CCSER2: variants seen among roughly 807,000 people sequenced by gnomAD.
CCSER2 encodes serine-rich coiled-coil domain-containing protein 2.
CCSER2 carries 46 observed loss-of-function variants against 92.3 expected under a neutral mutation model. That is an observed-to-expected ratio of 0.50 (90% CI 0.39 to 0.64). The LOEUF (loss-of-function observed/expected upper bound fraction) is 0.64. Ranked by LOEUF, CCSER2 falls within the 30% of genes least tolerant of loss-of-function variation. The pLI is 0.00. For missense variants in CCSER2, 1,244 were observed against 1,238.9 expected (o/e 1.00, Z -0.06); for synonymous variants, 433 against 431.4 (o/e 1.00, Z -0.04).
chr10:84,504,007 A>C (rs1468273569), intron 9 of CCSER2, among the ~76,000 whole-genome samples: 1 of 152,230 alleles, frequency 6.6e-6, no homozygotes, highest in African/African-American at 2.4e-5. Flanking sequence ...ACATTTACTG[A>C]GAGAAAGTAT....
At chr10:84,496,746 T>A (rs993805013) in intron 9 of CCSER2, among the ~76,000 whole-genome samples, 5 of 152,186 alleles carry the variant, frequency 3.3e-5, no homozygotes, top group African/African-American at 1.2e-4. Flanking sequence ...TTTTTGTGTG[T>A]GTTCCTTGTC....
chr10:84,410,720 G>T (rs1475172018), intron 3 of CCSER2, among the ~76,000 whole-genome samples: 1 of 152,156 alleles, frequency 6.6e-6, no homozygotes, highest in East Asian at 1.9e-4. Flanking sequence ...TAGGTTGTCT[G>T]TTCACCCTTA....
Position 84,420,482 on chromosome 10 carries a change from C to T in CCSER2, c.1705+2621C>T, listed in dbSNP as rs186835635. On this transcript the variant is annotated intron_variant, in intron 4 of 9. Transcript: ENST00000372088. The stretch of plus-strand genomic sequence containing the variant: ...TTTTCTTTTTATGGCTCTTAAGTCC[C>T]GAACAATTATACACACCCATTACAG... Among the ~76,000 whole-genome samples the T allele has an allele frequency of 6.2e-4, 95 of 152,146 alleles. 1 individual carries two copies. Among genetic ancestry groups the T allele is most frequent in the Admixed American group, 2.2e-3 (34 of 15,284 alleles).
chr10:84,413,212 G>C (rs985064246), intron 3 of CCSER2, among the ~76,000 whole-genome samples: 8 of 150,080 alleles, frequency 5.3e-5, no homozygotes, highest in African/African-American at 1.5e-4. Context: ...GTTTGCTCTT[G>C]GTTCTCTAGT....
At position 84,342,418 on chromosome 10, in the gene CCSER2, G is replaced by A. The variant is rs138414988; in HGVS notation, c.-40+13610G>A. Among the ~76,000 whole-genome samples, 579 of 152,242 alleles carry A rather than the reference G, an allele frequency of 3.8e-3. 2 individuals carry two copies. Among genetic ancestry groups the A allele is most frequent in the African/African-American group, 0.014 (570 of 41,534 alleles). On this transcript the variant is annotated intron_variant, in intron 1 of 9. Coordinates refer to ENST00000372088, the MANE Select transcript of CCSER2 (RefSeq NM_001284240.2). Reference sequence around the variant, plus strand: ...TAGATAATTGTAAGACCTTTTAGTAGCTACTCCTGCCTTAACTCTTGTCAT... The same window carrying A: ...TAGATAATTGTAAGACCTTTTAGTAACTACTCCTGCCTTAACTCTTGTCAT...
At chr10:84,400,868 C>T (rs904846228) in intron 3 of CCSER2, among the ~76,000 whole-genome samples, 3 of 151,982 alleles carry the variant, frequency 2.0e-5, no homozygotes, top group South Asian at 2.1e-4. Flanking sequence ...GAGTGGAGAT[C>T]GTGCCACTGC....
At chr10:84,427,825 C>G (rs937545802) in intron 5 of CCSER2, among the ~76,000 whole-genome samples, 1 of 152,192 alleles carries the variant, frequency 6.6e-6, no homozygotes, top group African/African-American at 2.4e-5. Context: ...AAACCTAGCT[C>G]TTTCCCAAAT....
chr10:84,508,624 T>G (rs17103555), intron 9 of CCSER2, among the ~76,000 whole-genome samples: 8,872 of 152,276 alleles, frequency 0.058, 372 homozygotes, highest in Admixed American at 0.1. Context: ...TTTGCTCTGG[T>G]TCTTATCTCC....
chr10:84,354,912 C>G (rs890202356), intron 1 of CCSER2, among the ~76,000 whole-genome samples: 1 of 151,714 alleles, frequency 6.6e-6, no homozygotes, highest in Non-Finnish European at 1.5e-5. Flanking sequence ...GAATTTTGAG[C>G]TCTTTCCTCT....
rs529107905 is a variant in CCSER2 at position 84,425,021 on chromosome 10, C to T, written c.1706-710C>T. On this transcript the variant is annotated intron_variant, in intron 4 of 9. Transcript: ENST00000372088. ...TGCAAAGTAACTCTCTTAGTGAGTGCTCAGATATGTGAGGAAAAAGTATTT... is the reference window on the plus strand; with the variant it reads ...TGCAAAGTAACTCTCTTAGTGAGTGTTCAGATATGTGAGGAAAAAGTATTT... The T allele has an allele frequency of 8.7e-4, 855 of 981,268 alleles. 1 individual carries two copies. The highest frequency in any genetic ancestry group is 1.0e-3 in the Non-Finnish European group (829 of 826,354). 60.8% of individuals were successfully genotyped at this position (981,268 alleles called of 1,614,324 possible). A position where few individuals can be genotyped will look rare whatever the true frequency, so the allele number is the denominator to read the frequency against.
chr10:84,438,761 T>G, intron 6 of CCSER2, 54 bp downstream of exon 6: 6 of 1,139,646 alleles, frequency 5.3e-6, no homozygotes, highest in Non-Finnish European at 7.4e-6. Flanking sequence ...CAAAATGGAT[T>G]GACTTTAGTT....
intron 8 of CCSER2, among the ~76,000 whole-genome samples, chr10:84,473,613 A>G (rs762966483): frequency 1.6e-4 from 24 of 152,340 alleles, no homozygotes; most frequent in Admixed American, 3.3e-4. Flanking sequence ...TCAAACCAAG[A>G]GAGTTTTAAC....
chr10:84,485,315 C>A (rs1847740395), intron 9 of CCSER2, among the ~76,000 whole-genome samples: 1 of 152,174 alleles, frequency 6.6e-6, no homozygotes, highest in South Asian at 2.1e-4. Context: ...AGGTATAGAA[C>A]TATTGTACCA....
chr10:84,459,654 C>T (rs909470935), intron 6 of CCSER2, among the ~76,000 whole-genome samples: 3 of 152,090 alleles, frequency 2.0e-5, no homozygotes, highest in Non-Finnish European at 4.4e-5. Flanking sequence ...TCCCAATTAG[C>T]TGGGACTACA....
At chr10:84,359,175 T>C (rs1845362189) in intron 1 of CCSER2, among the ~76,000 whole-genome samples, 1 of 152,318 alleles carries the variant, frequency 6.6e-6, no homozygotes, top group Non-Finnish European at 1.5e-5. Context: ...AAAGGATTAC[T>C]TAATTCCCCT....
At position 84,343,092 on chromosome 10, in the gene CCSER2, C is replaced by G. The variant is rs1351141171; in HGVS notation, c.-40+14284C>G. 4.6e-5 allele frequency among the ~76,000 whole-genome samples: 7 copies of G among 152,228 alleles called. No individual in the cohort carries two copies. In the East Asian group the frequency reaches 7.7e-4, roughly 17 times the overall value. The stretch of plus-strand genomic sequence containing the variant: ...TTTACCATGTTGGCCAGGCTGGTCT[C>G]GAACTCCTAACCTCAAACGGCCCCC... On this transcript the variant is annotated intron_variant, in intron 1 of 9. Coordinates refer to ENST00000372088, the MANE Select transcript of CCSER2 (RefSeq NM_001284240.2).
Position 84,438,621 on chromosome 10 carries a change from C to T in CCSER2, c.1978C>T (p.Leu660=). 3.7e-6 allele frequency: 6 copies of T among 1,613,520 alleles called. No homozygotes were observed. The highest frequency in any genetic ancestry group is 4.2e-6 in the Non-Finnish European group (5 of 1,179,518). The change falls in exon 6 of 10, where the codon CTG becomes TTG. Residue 660 remains leucine, a synonymous_variant. Transcript: ENST00000372088. ...FVDVPENTVI[L]DEMTLRHMVQ... ...TGATGTACCAGAAAATACAGTGATA[C>T]TGGATGAGATGACCCTTCGGCACAT...
intron 5 of CCSER2, among the ~76,000 whole-genome samples, chr10:84,426,117 A>G (rs73321688): frequency 0.018 from 2,749 of 152,214 alleles, 92 homozygotes; most frequent in African/African-American, 0.062. Flanking sequence ...TAAATACTCT[A>G]TTTATATCTG....
intron 1 of CCSER2, among the ~76,000 whole-genome samples, chr10:84,347,542 C>T (rs544110905): frequency 2.9e-4 from 43 of 146,748 alleles, no homozygotes; most frequent in African/African-American, 8.9e-4. Context: ...GGCGGCTGGC[C>T]GGGCGGGGGC....
Sources: allele counts gnomAD v4.1 joint callset (sites outside exome capture counted in the v4.1 genomes callset), GRCh38; gene constraint gnomAD v4.1.1; transcripts MANE v1.5; gene names NCBI Gene and HGNC (gene_info 2026-07-23, HGNC 2026-07-21).